RBL1: variants seen among roughly 807,000 people sequenced by gnomAD.
RBL1 encodes the protein retinoblastoma-like protein 1.
In RBL1, 82 loss-of-function variants were observed where a neutral mutation model predicts 123.0. That is an observed-to-expected ratio of 0.67 (90% CI 0.56 to 0.80). The LOEUF (loss-of-function observed/expected upper bound fraction) is 0.80. Among genes scored for constraint, RBL1 ranks in the 30% least tolerant of loss-of-function variants. The probability of loss-of-function intolerance (pLI) is 0.00; values close to 1 mark genes in which losing one functional copy is unlikely to be tolerated. For synonymous variants in RBL1, 405 were observed against 441.3 expected, an observed-to-expected ratio of 0.92 and a Z score of 1.03; for missense variants, 1,171 against 1,299.6, an observed-to-expected ratio of 0.90 and a Z score of 1.52.
intron 21 of RBL1, among the ~76,000 whole-genome samples, chr20:37,001,905 G>C (rs1257537239): frequency 7.9e-6 from 1 of 126,874 alleles, no homozygotes; most frequent in Non-Finnish European, 1.6e-5. Flanking sequence ...TAAAATAGCA[G>C]GTTGCAGAAC....
At chr20:37,037,569 G>A (rs760113563) in intron 14 of RBL1, among the ~76,000 whole-genome samples, 15 of 151,824 alleles carry the variant, frequency 9.9e-5, no homozygotes, top group Non-Finnish European at 2.1e-4. Flanking sequence ...AGAAAGAAGA[G>A]CCTTTTTTTT....
At chr20:37,021,806 C>G (rs2064345768) in intron 17 of RBL1, 1 of 199,880 alleles carries the variant, frequency 5.0e-6, no homozygotes, top group African/African-American at 2.3e-5. Flanking sequence ...ACTTCAAACA[C>G]ATGACTCTTG....
At chr20:37,020,797 C>A (rs1600477121) in intron 17 of RBL1, 67 bp from the exon 18 acceptor site, 1 of 1,104,710 alleles carries the variant, frequency 9.1e-7, no homozygotes, top group Non-Finnish European at 1.3e-6. Flanking sequence ...AACAAAACTT[C>A]AATTATAAGT....
intron 11 of RBL1, among the ~76,000 whole-genome samples, chr20:37,048,971 G>C (rs975090529): frequency 2.0e-5 from 3 of 151,530 alleles, no homozygotes; most frequent in Non-Finnish European, 4.4e-5. Context: ...GGAGGCCGAG[G>C]GGGGTGGATT....
At position 37,044,068 on chromosome 20, in the gene RBL1, A is replaced by G; in HGVS notation, c.1770+18T>C. The G allele has an allele frequency of 6.7e-7, 1 of 1,498,236 alleles. No homozygotes were observed. The highest frequency in any genetic ancestry group is 8.9e-7 in the Non-Finnish European group (1 of 1,122,578). The allele number at this position is 1,498,236 out of a possible 1,614,324, so 92.8% of individuals were successfully genotyped here. A position where few individuals can be genotyped will look rare whatever the true frequency, so the allele number is the denominator to read the frequency against. ...TTTTTTTTTTAATGATACGATTATC[A>G]GCCTTGCCCAGACTCACTTCTTCAC... On this transcript the variant is annotated intron_variant, in intron 13 of 21. Coordinates refer to ENST00000373664, the MANE Select transcript of RBL1 (RefSeq NM_002895.5).
chr20:37,081,097 G>C (rs2065441462), intron 2 of RBL1, among the ~76,000 whole-genome samples: 1 of 152,128 alleles, frequency 6.6e-6, no homozygotes, highest in Non-Finnish European at 1.5e-5. Context: ...GAACAATAAT[G>C]ATTGCTCAAG....
intron 2 of RBL1, 129 bp from the exon 3 acceptor site, chr20:37,068,315 G>A: frequency 7.5e-7 from 1 of 1,327,618 alleles, no homozygotes; most frequent in Non-Finnish European, 1.0e-6. Context: ...ACATAGTTAA[G>A]ACCCCATCTC....
intron 8 of RBL1, 103 bp from the exon 9 acceptor site, chr20:37,061,372 T>C: frequency 7.1e-7 from 1 of 1,409,436 alleles, no homozygotes; most frequent in South Asian, 1.9e-5. Context: ...ATTTGTAATA[T>C]CCATGAAATT....
rs2063900530 is a variant in RBL1, at chr20:36,997,460, G to A, written c.*1299C>T. On this transcript the variant is annotated 3_prime_UTR_variant, in exon 22 of 22. Coordinates refer to ENST00000373664, the MANE Select transcript of RBL1 (RefSeq NM_002895.5). ...GCACTAACAATACTGAGAACAAAGT[G>A]TGGGAAGTAATAAGCAGCTATTTTA... 6.6e-6 allele frequency: 1 copy of A among 152,176 alleles called. No homozygotes were observed. The highest frequency in any genetic ancestry group is 2.1e-4 in the South Asian group (1 of 4,828). 9.4% of individuals were successfully genotyped at this position (152,176 alleles called of 1,614,324 possible). A position where few individuals can be genotyped will look rare whatever the true frequency, so the allele number is the denominator to read the frequency against.
At chr20:37,017,833 C>T (rs2064281727) in intron 19 of RBL1, among the ~76,000 whole-genome samples, 1 of 152,042 alleles carries the variant, frequency 6.6e-6, no homozygotes, top group Non-Finnish European at 1.5e-5. Flanking sequence ...GATGGGGTTT[C>T]ACCATGTTGG....
At chr20:37,024,827 T>A (rs1287836923) in intron 16 of RBL1, among the ~76,000 whole-genome samples, 1 of 152,182 alleles carries the variant, frequency 6.6e-6, no homozygotes, top group African/African-American at 2.4e-5. Context: ...AACTGCTATA[T>A]TTTCAAGCTC....
chr20:37,083,239 G>A (rs534706443), intron 2 of RBL1, among the ~76,000 whole-genome samples: 222 of 151,836 alleles, frequency 1.5e-3, no homozygotes, highest in Non-Finnish European at 2.4e-3. Flanking sequence ...AGGCTGAGGC[G>A]GGTGGATCAC....
chr20:37,013,874 T>C (rs933092341), intron 19 of RBL1, among the ~76,000 whole-genome samples: 1 of 152,146 alleles, frequency 6.6e-6, no homozygotes, highest in Non-Finnish European at 1.5e-5. Flanking sequence ...CTGCATAGGA[T>C]ATATAAATTG....
In RBL1 at chr20:37,020,676, G is replaced by A; in HGVS notation, c.2614C>T (p.Pro872Ser). 1 of 1,586,516 alleles carries A rather than the reference G, an allele frequency of 6.3e-7. No homozygotes were observed. The highest frequency in any genetic ancestry group is 8.6e-7 in the Non-Finnish European group (1 of 1,163,848). The change falls in exon 18 of 22, where the codon CCC (proline) becomes TCC (serine). Residue 872 changes from proline to serine, a missense_variant. Transcript: ENST00000373664. ...TAACTCACGTGACTATTAGCTTGGG[G>A]CTGATTCCTATAACTTTTCATAATT... ...QEIMKSYRNQ[P>S]QANSHVYRSV...
At position 37,044,154 on chromosome 20, in the gene RBL1, A is replaced by T. The variant is rs755160686; in HGVS notation, c.1702T>A (p.Trp568Arg). ...IEEQILESLA[W>R]SHDSALWEAL... ...TCCCACAGTGCAGAATCGTGACTCC[A>T]TGCTAAACTCTCCAAAATCTGTTCT... The change falls in exon 13 of 22, where the codon TGG (tryptophan) becomes AGG (arginine). Residue 568 changes from tryptophan to arginine, a missense_variant. Trp to Arg is a moderately radical substitution (Grantham distance 101, BLOSUM62 -3). Transcript: ENST00000373664. 6.2e-7 allele frequency: 1 copy of T among 1,613,226 alleles called. No individual in the cohort carries two copies. The highest frequency in any genetic ancestry group is 2.2e-5 in the East Asian group (1 of 44,834).
At chr20:37,065,772 C>A (rs527349107) in intron 6 of RBL1, among the ~76,000 whole-genome samples, 6 of 152,060 alleles carry the variant, frequency 3.9e-5, no homozygotes, top group Admixed American at 1.3e-4. Flanking sequence ...CACCACCATG[C>A]CCAACTAATT....
chr20:37,002,746 C>G (rs1413607055), intron 21 of RBL1, among the ~76,000 whole-genome samples: 1 of 142,914 alleles, frequency 7.0e-6, no homozygotes, highest in Admixed American at 7.0e-5. Flanking sequence ...GAGACAGAGT[C>G]TCGTTCTGTC....
At position 37,055,673 on chromosome 20, in the gene RBL1, G is replaced by A. The variant is rs767033107; in HGVS notation, c.1364-17C>T. On this transcript the variant is annotated splice_polypyrimidine_tract_variant and intron_variant, in intron 10 of 21. Coordinates refer to ENST00000373664, the MANE Select transcript of RBL1 (RefSeq NM_002895.5). ...CAGCAAAGTCTATCAGGGAAATACAGAGAAAACATGTGTTAATGAATTTTA... is the reference window on the plus strand; with the variant it reads ...CAGCAAAGTCTATCAGGGAAATACAAAGAAAACATGTGTTAATGAATTTTA... 1.9e-6 allele frequency: 3 copies of A among 1,582,472 alleles called. No individual in the cohort carries two copies. Among genetic ancestry groups the A allele is most frequent in the Admixed American group, 3.8e-5 (2 of 52,826 alleles).
At chr20:37,060,901 A>G (rs2065083374) in intron 9 of RBL1, among the ~76,000 whole-genome samples, 1 of 152,160 alleles carries the variant, frequency 6.6e-6, no homozygotes, top group Non-Finnish European at 1.5e-5. Context: ...GGTGTGTGCC[A>G]CTGTGCCTGA....
Sources: allele counts gnomAD v4.1 joint callset (sites outside exome capture counted in the v4.1 genomes callset), GRCh38; gene constraint gnomAD v4.1.1; transcripts MANE v1.5; gene names NCBI Gene and HGNC (gene_info 2026-07-23, HGNC 2026-07-21).